PDZD2: variants seen among roughly 807,000 people sequenced by gnomAD.
The protein encoded by PDZD2 is PDZ domain containing 2.
In PDZD2, 90 loss-of-function variants were observed where a neutral mutation model predicts 220.7. The observed-to-expected ratio is 0.41, with a 90% CI of 0.34 to 0.49. PDZD2 has a LOEUF of 0.49. PDZD2 is among the 20% of genes least tolerant of loss of function. The probability of loss-of-function intolerance (pLI) is 0.28; values close to 1 mark genes in which losing one functional copy is unlikely to be tolerated. For synonymous variants in PDZD2, 1,375 were observed against 1,450.5 expected (o/e 0.95, Z 1.18); for missense variants, 3,174 against 3,608.5 (o/e 0.88, Z 3.08).
In PDZD2 at chr5:32,093,065, C is replaced by T. The variant is rs762262242; in HGVS notation, c.7845+41C>T. On this transcript the variant is annotated intron_variant, in intron 21 of 24. Transcript: ENST00000438447. ...AAAGCTCAGGAACATGAATTGCGGC[C>T]GCGTGAGTGCCCAGGTATGTGCTGC... The T allele has an allele frequency of 2.0e-5, 21 of 1,029,174 alleles. 1 individual carries two copies. Among genetic ancestry groups the T allele is most frequent in the South Asian group, 1.7e-4 (13 of 76,944 alleles). The allele number at this position is 1,029,174 out of a possible 1,614,324, so 63.8% of individuals were successfully genotyped here. A position where few individuals can be genotyped will look rare whatever the true frequency, so the allele number is the denominator to read the frequency against.
rs1416301268 is a variant in PDZD2, at chr5:31,639,538, T to C, written c.-361+101T>C. ...GAGACCGTGTGTGCCCAGGAAAGTTTAGCTACAAATCCGGGTGCGGGAATC... is the reference window on the plus strand; with the variant it reads ...GAGACCGTGTGTGCCCAGGAAAGTTCAGCTACAAATCCGGGTGCGGGAATC... On this transcript the variant is annotated intron_variant, in intron 1 of 24. Transcript: ENST00000438447. This position sits in a 1 kb window ranked among gnomAD's most constrained non-coding sequence, Gnocchi z 4.1. The C allele has an allele frequency of 6.6e-6, 1 of 151,294 alleles. No individual in the cohort carries two copies. Among genetic ancestry groups the C allele is most frequent in the African/African-American group, 2.4e-5 (1 of 41,096 alleles). 9.4% of individuals were successfully genotyped at this position (151,294 alleles called of 1,614,324 possible).
intron 1 of PDZD2, among the ~76,000 whole-genome samples, chr5:31,748,917 TTC>T (rs1236940437): frequency 6.6e-6 from 1 of 152,182 alleles, no homozygotes; most frequent in Non-Finnish European, 1.5e-5. Context: ...GATTGCCCTG[TTC>T]TGTGTCTCTG....
intron 1 of PDZD2, among the ~76,000 whole-genome samples, chr5:31,664,285 G>A (rs29757): frequency 0.24 from 36,529 of 151,792 alleles, 4,791 homozygotes; most frequent in East Asian, 0.39. Flanking sequence ...TTACCGACAC[G>A]CACCACCGCA....
chr5:31,871,197 T>C (rs1738760067), intron 2 of PDZD2, among the ~76,000 whole-genome samples: 1 of 152,226 alleles, frequency 6.6e-6, no homozygotes, highest in African/African-American at 2.4e-5. Flanking sequence ...ATTTTAATAT[T>C]GTAAATGGGA....
chr5:31,904,695 T>A (rs1245801830), intron 2 of PDZD2, among the ~76,000 whole-genome samples: 1 of 151,828 alleles, frequency 6.6e-6, no homozygotes, highest in Non-Finnish European at 1.5e-5. Flanking sequence ...ACCCAGCTAA[T>A]TTTTTTGTAT....
chr5:31,714,242 C>T (rs904499935), intron 1 of PDZD2, among the ~76,000 whole-genome samples: 2 of 152,220 alleles, frequency 1.3e-5, no homozygotes, highest in Non-Finnish European at 2.9e-5. Flanking sequence ...AGGGCTGAAG[C>T]AGAACTGTGG....
intron 2 of PDZD2, among the ~76,000 whole-genome samples, chr5:31,822,271 C>CTTTT (rs34010630): frequency 2.7e-4 from 27 of 100,582 alleles, no homozygotes; most frequent in East Asian, 8.5e-4. Flanking sequence ...TTCACGCAAT[C>CTTTT]TTTTTTTTTT....
In PDZD2 at chr5:31,826,518, CA is replaced by C. The variant is rs577346238; in HGVS notation, c.476+26802del. The stretch of plus-strand genomic sequence containing the variant: ...TGAAACCCTGTCTCTACTAAAAATA[CA>C]AAAAAAATTAGCCAGCTGTGGTGGC... On this transcript the variant is annotated intron_variant, in intron 2 of 24. Coordinates refer to ENST00000438447, the MANE Select transcript of PDZD2 (RefSeq NM_178140.4). Among the ~76,000 whole-genome samples the C allele has an allele frequency of 8.2e-4, 124 of 151,432 alleles. 1 individual carries two copies. The highest frequency in any genetic ancestry group is 1.5e-3 in the Non-Finnish European group (104 of 67,818).
At chr5:31,865,300 T>TTTTTG (rs1561522653) in intron 2 of PDZD2, among the ~76,000 whole-genome samples, 1 of 151,994 alleles carries the variant, frequency 6.6e-6, no homozygotes, top group South Asian at 2.1e-4. Flanking sequence ...TTTGTTGTTG[T>TTTTTG]TTTTGTTTTG....
At chr5:32,061,306 C>G (rs559552240) in intron 14 of PDZD2, among the ~76,000 whole-genome samples, 172 bp downstream of exon 14, 1 of 152,326 alleles carries the variant, frequency 6.6e-6, no homozygotes, top group African/African-American at 2.4e-5. Context: ...CTTAGAAAAT[C>G]TTACTAGAAC....
intron 2 of PDZD2, among the ~76,000 whole-genome samples, chr5:31,946,875 T>C (rs1343890530): frequency 6.6e-6 from 1 of 152,230 alleles, no homozygotes; most frequent in Non-Finnish European, 1.5e-5. Context: ...TTTTTAAAAA[T>C]ATTTTTTGTA....
intron 2 of PDZD2, among the ~76,000 whole-genome samples, chr5:31,967,021 T>C (rs1000787312): frequency 6.6e-6 from 1 of 152,250 alleles, no homozygotes; most frequent in Non-Finnish European, 1.5e-5. Flanking sequence ...ATATCTTTTC[T>C]CTGCTGGTTT....
At chr5:31,719,024 A>C (rs1016565113) in intron 1 of PDZD2, among the ~76,000 whole-genome samples, 1 of 152,062 alleles carries the variant, frequency 6.6e-6, no homozygotes, top group African/African-American at 2.4e-5. Flanking sequence ...TAACTCAGTG[A>C]CCTCTTTAAA....
At chr5:31,770,837 A>G (rs370242941) in intron 1 of PDZD2, among the ~76,000 whole-genome samples, 230 of 151,528 alleles carry the variant, frequency 1.5e-3, no homozygotes, top group Middle Eastern at 0.01. Flanking sequence ...AAAAATCAAG[A>G]TGCCATGAAT....
intron 2 of PDZD2, among the ~76,000 whole-genome samples, chr5:31,891,009 C>G (rs1376403557): frequency 6.6e-6 from 1 of 152,180 alleles, no homozygotes; most frequent in South Asian, 2.1e-4. Flanking sequence ...CTTGCCGCAC[C>G]GTATCAACCA....
intron 2 of PDZD2, among the ~76,000 whole-genome samples, chr5:31,971,680 T>C (rs1291572133): frequency 6.6e-6 from 1 of 152,204 alleles, no homozygotes; most frequent in African/African-American, 2.4e-5. Context: ...TTCTCTCTGG[T>C]CTCTGCTTCT....
At chr5:31,668,850 G>T (rs1300719919) in intron 1 of PDZD2, among the ~76,000 whole-genome samples, 6 of 152,174 alleles carry the variant, frequency 3.9e-5, no homozygotes, top group Admixed American at 3.3e-4. Context: ...GTTTCTTGGT[G>T]GTGTTGTTTT....
chr5:31,867,905 G>A (rs994639861), intron 2 of PDZD2, among the ~76,000 whole-genome samples: 10 of 151,872 alleles, frequency 6.6e-5, no homozygotes, highest in Non-Finnish European at 1.3e-4. Flanking sequence ...GGGGAGGGGC[G>A]GGGCAGAGCA....
At chr5:32,009,053 A>G (rs549041705) in intron 5 of PDZD2, among the ~76,000 whole-genome samples, 1 of 152,156 alleles carries the variant, frequency 6.6e-6, no homozygotes, top group Non-Finnish European at 1.5e-5. Context: ...GCTCTAAAAG[A>G]TACTGATCTA....
Sources: allele counts gnomAD v4.1 joint callset (sites outside exome capture counted in the v4.1 genomes callset), GRCh38; gene constraint gnomAD v4.1.1; non-coding constraint Gnocchi (gnomAD v3.1); transcripts MANE v1.5; gene names NCBI Gene and HGNC (gene_info 2026-07-23, HGNC 2026-07-21).